The following P3H2 variants were observed in gnomAD, a reference collection of about 807,000 sequenced individuals.
P3H2 encodes prolyl 3-hydroxylase 2.
Under a neutral mutation model 87.0 loss-of-function variants are expected in P3H2, and 80 were observed. The ratio of observed to expected loss-of-function variants is 0.92; its 90% CI spans 0.77 to 1.11. The LOEUF (loss-of-function observed/expected upper bound fraction) is 1.11. P3H2 is among the 50% of genes least tolerant of loss of function. The pLI is 0.00. For synonymous variants in P3H2, 367 were observed against 359.3 expected (o/e 1.02, Z -0.24); for missense variants, 1,001 against 923.9 (o/e 1.08, Z -1.08).
intron 1 of P3H2, among the ~76,000 whole-genome samples, chr3:190,020,742 C>T (rs1009252626): frequency 4.5e-5 from 6 of 133,686 alleles, no homozygotes; most frequent in Non-Finnish European, 8.3e-5. Context: ...GCTACCCACA[C>T]GTTGATTACT....
rs767012332 is a variant in P3H2, at chr3:189,971,980, CT to C, written c.1726del (p.Ser576ValfsTer36). The C allele has an allele frequency of 1.5e-5, 25 of 1,613,158 alleles. No individual in the cohort carries two copies. The highest frequency in any genetic ancestry group is 2.7e-5 in the African/African-American group (2 of 74,910). On this transcript the variant is annotated frameshift_variant, in exon 12 of 15. Transcript: ENST00000319332. LOFTEE classifies it high-confidence loss of function. ...SGQQDRRNDLSHPIHADNCLL... is the reference protein window; with the variant it reads ...SGQQDRRNDLXHPIHADNCLL... ...ACAGTTGTCAGCATGGATGGGATGA[CT>C]GAGGTCATTTCTTCTATCCTGCTGA...
intron 1 of P3H2, among the ~76,000 whole-genome samples, chr3:190,075,432 TC>T (rs1726839504): frequency 6.8e-6 from 1 of 148,116 alleles, no homozygotes; most frequent in African/African-American, 2.5e-5. Context: ...TTACAGTGAG[TC>T]AAGATTGCAC....
chr3:190,120,454 G>C lies in P3H2; in HGVS notation c.278C>G (p.Pro93Arg). ...CTCGCCGGGGGGCGGGGGCGGGAGC[G>C]GGTGGCGCGCCGCGCAGTGGCGGGC... ...RCARHCAARH[P>R]LPPPPPGEGP... The change falls in exon 1 of 15, where the codon CCG becomes CGG. Residue 93 changes from proline (P) to arginine (R), a missense_variant. Pro to Arg is a moderately radical substitution (Grantham distance 103). Transcript: ENST00000319332. 2 of 1,426,018 alleles carry C rather than the reference G, an allele frequency of 1.4e-6. No individual in the cohort carries two copies. Among genetic ancestry groups the C allele is most frequent in the Non-Finnish European group, 9.1e-7 (1 of 1,101,106 alleles). The allele number at this position is 1,426,018 out of a possible 1,614,324, so 88.3% of individuals were successfully genotyped here. A position where few individuals can be genotyped will look rare whatever the true frequency, so the allele number is the denominator to read the frequency against.
intron 14 of P3H2, chr3:189,963,697 G>A (rs1382098287): frequency 2.2e-6 from 1 of 447,020 alleles, no homozygotes; most frequent in East Asian, 4.3e-5. Flanking sequence ...GCCCACCTCG[G>A]CCTCCCAAAG....
intron 1 of P3H2, among the ~76,000 whole-genome samples, chr3:190,007,965 C>CATATATATATAT (rs1553875103): frequency 1.4e-4 from 13 of 94,356 alleles, no homozygotes; most frequent in Admixed American, 4.6e-4. Flanking sequence ...TGTTGACACA[C>CATATATATATAT]ATATATATAT....
chr3:190,084,821 T>C lies in P3H2; in HGVS notation c.480+35431A>G, dbSNP rs560218056. Among the ~76,000 whole-genome samples the C allele has an allele frequency of 2.6e-5, 4 of 152,268 alleles. No individual in the cohort carries two copies. In the East Asian group the frequency reaches 7.7e-4, roughly 29 times the overall value. The stretch of plus-strand genomic sequence containing the variant: ...TGTTTTAGCCACAGTCTCTACAACC[T>C]GTGGAACAGACTTAATACCTCGCTC... On this transcript the variant is annotated intron_variant, in intron 1 of 14. Coordinates refer to ENST00000319332, the MANE Select transcript of P3H2 (RefSeq NM_018192.4).
At chr3:190,101,236 CAAGTT>C (rs1711615112) in intron 1 of P3H2, among the ~76,000 whole-genome samples, 1 of 151,820 alleles carries the variant, frequency 6.6e-6, no homozygotes, top group African/African-American at 2.4e-5. Context: ...TCTAAGTGTT[CAAGTT>C]AAGAGTCACA....
chr3:190,102,724 T>C (rs1577325068), intron 1 of P3H2, among the ~76,000 whole-genome samples: 1 of 152,100 alleles, frequency 6.6e-6, no homozygotes, highest in Non-Finnish European at 1.5e-5. Context: ...AGTGGCAGGG[T>C]TTGAGAGAAT....
chr3:190,001,033 C>T (rs1026579791), intron 1 of P3H2, among the ~76,000 whole-genome samples: 5 of 152,168 alleles, frequency 3.3e-5, no homozygotes, highest in Non-Finnish European at 5.9e-5. Flanking sequence ...CTTCCATTTC[C>T]TGCCTCGATT....
intron 1 of P3H2, among the ~76,000 whole-genome samples, chr3:190,117,756 AG>A (rs559756377): frequency 5.0e-3 from 330 of 65,906 alleles, no homozygotes; most frequent in African/African-American, 0.011. Context: ...GGGCTGGGGG[AG>A]GGGGGTGAAG....
chr3:190,091,935 T>C (rs1560397784), intron 1 of P3H2, among the ~76,000 whole-genome samples: 1 of 152,172 alleles, frequency 6.6e-6, no homozygotes, highest in Admixed American at 6.5e-5. Flanking sequence ...ATGTCTTACA[T>C]GTAAAAATGT....
In P3H2 at chr3:190,004,658, A is replaced by C. The variant is rs533274531; in HGVS notation, c.481-9216T>G. On this transcript the variant is annotated intron_variant, in intron 1 of 14. Coordinates refer to ENST00000319332, the MANE Select transcript of P3H2 (RefSeq NM_018192.4). ...CGGCCTCCCAAAGTGCTGGGATTAC[A>C]GGTGTGAGCCACCGCGCCTGGCCAC... 3.3e-5 allele frequency among the ~76,000 whole-genome samples: 5 copies of C among 152,312 alleles called. No homozygotes were observed. In the East Asian group the frequency reaches 7.7e-4, roughly 24 times the overall value.
chr3:190,066,158 T>TATATATATATATATATACACACACACAC lies in P3H2; in HGVS notation c.480+54093_480+54094insGTGTGTGTGTGTATATATATATATATAT, dbSNP rs1256956930. On this transcript the variant is annotated intron_variant, in intron 1 of 14. Coordinates refer to ENST00000319332, the MANE Select transcript of P3H2 (RefSeq NM_018192.4). ...ACTGTGGTGTGTATATATATATATA[T>TATATATATATATATATACACACACACAC]ACACACACACACACACACACATATA... Among the ~76,000 whole-genome samples the TATATATATATATATATACACACACACAC allele has an allele frequency of 4.1e-3, 548 of 134,358 alleles. 6 individuals are homozygous for TATATATATATATATATACACACACACAC. Among genetic ancestry groups the TATATATATATATATATACACACACACAC allele is most frequent in the African/African-American group, 0.01 (330 of 32,068 alleles). The allele number at this position is 134,358 out of a possible 152,430, so 88.1% of individuals were successfully genotyped here. A position where few individuals can be genotyped will look rare whatever the true frequency, so the allele number is the denominator to read the frequency against.
At chr3:190,016,210 G>T (rs1366971243) in intron 1 of P3H2, among the ~76,000 whole-genome samples, 1 of 151,964 alleles carries the variant, frequency 6.6e-6, no homozygotes, top group African/African-American at 2.4e-5. Context: ...TGTATAATGG[G>T]AATATTAACA....
At chr3:189,971,692 A>C in intron 12 of P3H2, 198 bp downstream of exon 12, 2 of 562,160 alleles carry the variant, frequency 3.6e-6, no homozygotes, top group Non-Finnish European at 6.5e-6. Context: ...ATGGGATGCA[A>C]ACTGTGCACA....
In P3H2 at chr3:190,013,263, T is replaced by C. The variant is rs114924538; in HGVS notation, c.481-17821A>G. Among the ~76,000 whole-genome samples the C allele has an allele frequency of 3.8e-3, 575 of 152,302 alleles. 3 individuals carry two copies. Among genetic ancestry groups the C allele is most frequent in the African/African-American group, 0.013 (550 of 41,576 alleles). The stretch of plus-strand genomic sequence containing the variant: ...CAAAGGAGAATGATGTGAGAACACA[T>C]AGAAAGGACACCTAACTCAATTTAT... On this transcript the variant is annotated intron_variant, in intron 1 of 14. Transcript: ENST00000319332.
At chr3:189,985,414 G>A (rs9878808) in intron 6 of P3H2, among the ~76,000 whole-genome samples, 1 of 151,128 alleles carries the variant, frequency 6.6e-6, no homozygotes, top group African/African-American at 2.4e-5. Flanking sequence ...ATTTCTTATC[G>A]CTGATAAATT....
intron 3 of P3H2, among the ~76,000 whole-genome samples, chr3:189,993,823 T>A (rs555548991): frequency 1.8e-3 from 273 of 152,114 alleles, no homozygotes; most frequent in African/African-American, 6.4e-3. Context: ...TGAAAAACAT[T>A]ATATATAGTA....
chr3:189,957,659 G>A lies in P3H2; in HGVS notation c.*253C>T. 1 of 533,806 alleles carries A rather than the reference G, an allele frequency of 1.9e-6. No homozygotes were observed. The highest frequency in any genetic ancestry group is 3.3e-6 in the Non-Finnish European group (1 of 298,712). The allele number at this position is 533,806 out of a possible 1,614,324, so 33.1% of individuals were successfully genotyped here. A position where few individuals can be genotyped will look rare whatever the true frequency, so the allele number is the denominator to read the frequency against. ...ATCATCACATCTGTGAATAGCCACTGCCCTATATCCTAGACAACATGGTTA... is the reference window on the plus strand; with the variant it reads ...ATCATCACATCTGTGAATAGCCACTACCCTATATCCTAGACAACATGGTTA... On this transcript the variant is annotated 3_prime_UTR_variant, in exon 15 of 15. Transcript: ENST00000319332.
Sources: allele counts gnomAD v4.1 joint callset (sites outside exome capture counted in the v4.1 genomes callset), GRCh38; gene constraint gnomAD v4.1.1; transcripts MANE v1.5; gene names NCBI Gene and HGNC (gene_info 2026-07-23, HGNC 2026-07-21).